Variants in DCAF6 observed in about 807,000 individuals in gnomAD.
DCAF6 encodes the protein DDB1 and CUL4 associated factor 6, also known as DDB1- and CUL4-associated factor 6.
Under a neutral mutation model 125.1 loss-of-function variants are expected in DCAF6, and 54 were observed. That is an observed-to-expected ratio of 0.43 (90% CI 0.35 to 0.54). The LOEUF (loss-of-function observed/expected upper bound fraction) is 0.54, where lower values mean the gene tolerates loss of function less well. DCAF6 is among the 20% of genes least tolerant of loss of function. The pLI, the probability that DCAF6 is intolerant of heterozygous loss-of-function variation, is 0.01. For synonymous variants in DCAF6, 371 were observed against 390.4 expected, an observed-to-expected ratio of 0.95 and a Z score of 0.58; for missense variants, 934 against 1,161.7, an observed-to-expected ratio of 0.80 and a Z score of 2.85.
At chr1:167,900,777 C>T in the DCAF6 span, among the ~76,000 whole-genome samples, 4 of 152,140 alleles carry the variant, frequency 2.6e-5, no homozygotes, top group Admixed American at 2.6e-4. Flanking sequence ...GGTGATCCAC[C>T]CACCTTGGCC....
intron 12 of DCAF6, among the ~76,000 whole-genome samples, chr1:168,035,658 C>T (rs1323842333): frequency 1.3e-5 from 2 of 151,924 alleles, no homozygotes; most frequent in Non-Finnish European, 2.9e-5. Context: ...TCATTAACAA[C>T]TTAAATGAAC....
chr1:168,009,354 CCTTCCTT>C (rs1436311888), intron 10 of DCAF6, among the ~76,000 whole-genome samples: 1 of 97,582 alleles, frequency 1.0e-5, no homozygotes, highest in African/African-American at 5.0e-5. Context: ...TCCCTTCCTT[CCTTCCTT>C]CCTTCCTTCC....
chr1:167,890,805 G>A, the DCAF6 span, among the ~76,000 whole-genome samples: 1 of 152,030 alleles, frequency 6.6e-6, no homozygotes, highest in Non-Finnish European at 1.5e-5. Context: ...CCTACTCTAC[G>A]TTCAAACAAA....
At chr1:167,944,139 G>A (rs529242541) in intron 1 of DCAF6, among the ~76,000 whole-genome samples, 1 of 152,248 alleles carries the variant, frequency 6.6e-6, no homozygotes, top group East Asian at 1.9e-4. Flanking sequence ...ACCACGCCCA[G>A]CCTGATTTCA....
chr1:167,899,646 A>G, the DCAF6 span: 15 of 1,612,516 alleles, frequency 9.3e-6, no homozygotes, highest in Non-Finnish European at 1.2e-5. Context: ...GAAGGCAAGG[A>G]ATAGGTTTGC....
chr1:167,931,076 T>C (rs1264807508), upstream of DCAF6, among the ~76,000 whole-genome samples: 1 of 152,160 alleles, frequency 6.6e-6, no homozygotes, highest in Non-Finnish European at 1.5e-5. Context: ...GGATTACAGG[T>C]GTGCACCACC....
chr1:168,028,727 G>A (rs1686667433), intron 12 of DCAF6, among the ~76,000 whole-genome samples: 1 of 152,108 alleles, frequency 6.6e-6, no homozygotes, highest in East Asian at 1.9e-4. Context: ...GACCTGCCAT[G>A]CATTAAATAT....
At chr1:167,916,836 CA>C in the DCAF6 span, 4 of 152,198 alleles carry the variant, frequency 2.6e-5, no homozygotes, top group African/African-American at 9.6e-5. Context: ...GCCAAACACA[CA>C]AATGAATTTA....
At chr1:167,948,212 G>T (rs1384583654) in intron 1 of DCAF6, among the ~76,000 whole-genome samples, 2 of 149,876 alleles carry the variant, frequency 1.3e-5, no homozygotes, top group Non-Finnish European at 3.0e-5. Context: ...TTTGACTTCA[G>T]ACAGTCTGAT....
intron 21 of DCAF6, among the ~76,000 whole-genome samples, chr1:168,073,061 A>G (rs1693324754): frequency 6.6e-6 from 1 of 152,184 alleles, no homozygotes; most frequent in Admixed American, 6.5e-5. Context: ...CTGTAGTCCC[A>G]GCTACTCGGG....
At chr1:167,935,883 G>A, upstream of DCAF6, 1 of 1,448,388 alleles carries the variant, frequency 6.9e-7, no homozygotes, top group Non-Finnish European at 9.5e-7. Context: ...GAGCGTGGCT[G>A]TGTTCTCGTC....
chr1:167,975,107 C>T (rs1157516617), intron 4 of DCAF6, 92 bp downstream of exon 4: 2 of 723,222 alleles, frequency 2.8e-6, no homozygotes, highest in Admixed American at 3.4e-5. Context: ...TGTACATGTA[C>T]AGATGTGTGT....
chr1:167,920,701 G>C, the DCAF6 span: 1 of 1,440,748 alleles, frequency 6.9e-7, no homozygotes, highest in Non-Finnish European at 9.4e-7. Context: ...TTTAAATCAA[G>C]CACAAGACAT....
chr1:167,902,115 C>G, the DCAF6 span: 1 of 1,492,806 alleles, frequency 6.7e-7, no homozygotes, highest in Non-Finnish European at 9.3e-7. Context: ...AAAAAAACAT[C>G]ATTCTTTCTT....
chr1:167,952,325 C>T (rs1286060577), intron 2 of DCAF6, among the ~76,000 whole-genome samples: 1 of 152,138 alleles, frequency 6.6e-6, no homozygotes, highest in Non-Finnish European at 1.5e-5. Flanking sequence ...TCACGTCATT[C>T]TCCTGCCTCA....
upstream of DCAF6, among the ~76,000 whole-genome samples, chr1:167,933,353 G>T (rs1178989011): frequency 6.6e-6 from 1 of 152,056 alleles, no homozygotes; most frequent in African/African-American, 2.4e-5. Flanking sequence ...TTTTAGTAGA[G>T]ATAGGGTTTC....
At chr1:167,887,196 G>T in the DCAF6 span, among the ~76,000 whole-genome samples, 1 of 152,142 alleles carries the variant, frequency 6.6e-6, no homozygotes, top group Admixed American at 6.6e-5. Flanking sequence ...CCATTACTGG[G>T]TATGTACCCA....
the DCAF6 span, among the ~76,000 whole-genome samples, chr1:167,915,628 T>C: frequency 2.0e-4 from 31 of 152,236 alleles, no homozygotes; most frequent in African/African-American, 7.0e-4. Context: ...TTTTTTTGTA[T>C]TTAGTAGAGA....
Position 168,002,480 on chromosome 1 carries a change from A to T in DCAF6, c.904-2A>T. ...TAGAATTTACCCGTTCTTATTTTTTAGTTGCGACAACCACCAGTTAAGCGT... is the reference window on the plus strand; with the variant it reads ...TAGAATTTACCCGTTCTTATTTTTTTGTTGCGACAACCACCAGTTAAGCGT... On this transcript the variant is annotated splice_acceptor_variant, in intron 7 of 21. Transcript: ENST00000367840. LOFTEE classifies it high-confidence loss of function. 1 of 1,612,450 alleles carries T rather than the reference A, an allele frequency of 6.2e-7. No homozygotes were observed. Among genetic ancestry groups the T allele is most frequent in the Non-Finnish European group, 8.5e-7 (1 of 1,178,812 alleles).
Sources: gnomAD v4.1 joint callset for allele counts (sites outside exome capture counted in the v4.1 genomes callset) on GRCh38, gnomAD v4.1.1 for gene constraint, MANE v1.5 for transcripts, NCBI Gene and HGNC (gene_info 2026-07-23, HGNC 2026-07-21) for gene names.